MAGI2: variants seen among roughly 807,000 people sequenced by gnomAD.
The protein encoded by MAGI2 is membrane-associated guanylate kinase, WW and PDZ domain-containing protein 2.
A neutral mutation model predicts 133.3 loss-of-function variants in MAGI2; 35 were observed. The ratio of observed to expected loss-of-function variants is 0.26; its 90% CI spans 0.20 to 0.35. MAGI2 has a LOEUF of 0.35. Among genes scored for constraint, MAGI2 ranks in the 10% least tolerant of loss-of-function variants. The pLI, the probability that MAGI2 is intolerant of heterozygous loss-of-function variation, is 1.00. For synonymous variants in MAGI2, 729 were observed against 710.6 expected (o/e 1.03, Z -0.41); for missense variants, 1,636 against 1,863.4 (o/e 0.88, Z 2.25).
intron 6 of MAGI2, among the ~76,000 whole-genome samples, chr7:78,422,701 A>G (rs1798912082): frequency 6.6e-6 from 1 of 152,232 alleles, no homozygotes; most frequent in South Asian, 2.1e-4. Flanking sequence ...GGGAGTAGAA[A>G]TAAGATTAAA....
intron 2 of MAGI2, among the ~76,000 whole-genome samples, chr7:78,779,718 T>C (rs555435234): frequency 6.6e-6 from 1 of 152,354 alleles, no homozygotes; most frequent in South Asian, 2.1e-4. Context: ...TAAACATTTC[T>C]TGAGCTTTCA....
At chr7:79,265,580 G>A (rs1242715790) in intron 1 of MAGI2, among the ~76,000 whole-genome samples, 1 of 151,934 alleles carries the variant, frequency 6.6e-6, no homozygotes, top group Admixed American at 6.6e-5. Flanking sequence ...ATATAAATAT[G>A]CATATGTGTA....
At chr7:78,356,305 A>T (rs1792075535) in intron 7 of MAGI2, among the ~76,000 whole-genome samples, 1 of 152,310 alleles carries the variant, frequency 6.6e-6, no homozygotes, top group Admixed American at 6.5e-5. Flanking sequence ...GTTGTAGGCC[A>T]GGTTCAGTTC....
intron 1 of MAGI2, among the ~76,000 whole-genome samples, chr7:79,055,555 C>CTT (rs529654560): frequency 6.9e-6 from 1 of 144,648 alleles, no homozygotes; most frequent in Non-Finnish European, 1.5e-5. Flanking sequence ...ATAGAACACA[C>CTT]TTTTTTTTTT....
At chr7:79,065,470 C>T (rs541996545) in intron 1 of MAGI2, among the ~76,000 whole-genome samples, 1 of 152,152 alleles carries the variant, frequency 6.6e-6, no homozygotes, top group South Asian at 2.1e-4. Flanking sequence ...TCCAAACAGA[C>T]ATCAAGAACT....
chr7:79,341,777 G>T (rs1238554978), intron 1 of MAGI2, among the ~76,000 whole-genome samples: 1 of 152,168 alleles, frequency 6.6e-6, no homozygotes, highest in African/African-American at 2.4e-5. Context: ...CTAACAGGTT[G>T]AAATCTTCAG....
intron 2 of MAGI2, among the ~76,000 whole-genome samples, chr7:78,750,611 A>G (rs1563452495): frequency 6.6e-6 from 1 of 152,164 alleles, no homozygotes; most frequent in South Asian, 2.1e-4. Context: ...CAGACAATAC[A>G]CATAACAAAA....
intron 2 of MAGI2, chr7:78,939,786 G>C (rs987417505): frequency 2.0e-5 from 3 of 152,148 alleles, no homozygotes; most frequent in African/African-American, 7.2e-5. Flanking sequence ...CATCAGCTCA[G>C]AAAAGCTCCT....
chr7:78,265,346 C>T (rs1793892827), intron 9 of MAGI2, among the ~76,000 whole-genome samples: 1 of 152,090 alleles, frequency 6.6e-6, no homozygotes. Context: ...AAAAAGAAAG[C>T]ACAAAAGACT....
intron 1 of MAGI2, among the ~76,000 whole-genome samples, chr7:79,021,612 C>T (rs1809339373): frequency 1.3e-5 from 2 of 152,192 alleles, no homozygotes. Flanking sequence ...TGTGTTTACT[C>T]AATGCCTATA....
At chr7:78,796,658 A>G (rs1787641582) in intron 2 of MAGI2, among the ~76,000 whole-genome samples, 1 of 152,172 alleles carries the variant, frequency 6.6e-6, no homozygotes, top group Non-Finnish European at 1.5e-5. Flanking sequence ...GGTAATCAGT[A>G]TATCAAAAAG....
At chr7:78,156,826 C>A (rs74690586) in intron 16 of MAGI2, among the ~76,000 whole-genome samples, 4 of 137,784 alleles carry the variant, frequency 2.9e-5, no homozygotes, top group African/African-American at 8.0e-5. Context: ...AAAAAACAAA[C>A]CCAAAAAAAA....
intron 2 of MAGI2, among the ~76,000 whole-genome samples, chr7:78,839,218 TC>T (rs779274932): frequency 6.6e-6 from 1 of 152,032 alleles, no homozygotes; most frequent in Admixed American, 6.6e-5. Context: ...CCATGATTTC[TC>T]TAAACTTCAG....
chr7:78,607,182 A>G (rs986243363), intron 3 of MAGI2, among the ~76,000 whole-genome samples: 2 of 152,146 alleles, frequency 1.3e-5, no homozygotes, highest in Admixed American at 6.6e-5. Flanking sequence ...TTGTGTGACT[A>G]TTGTGAGAGG....
chr7:78,343,129 T>A (rs915894874), intron 9 of MAGI2, among the ~76,000 whole-genome samples: 2 of 152,204 alleles, frequency 1.3e-5, no homozygotes, highest in Non-Finnish European at 2.9e-5. Flanking sequence ...AAGCCAAACC[T>A]TGTTCATTAC....
At chr7:78,393,414 G>A (rs1434936993) in intron 6 of MAGI2, among the ~76,000 whole-genome samples, 1 of 152,196 alleles carries the variant, frequency 6.6e-6, no homozygotes, top group Non-Finnish European at 1.5e-5. Context: ...GCCAGAGACA[G>A]CAGTGTCTTT....
intron 2 of MAGI2, chr7:78,902,580 C>G (rs1797688510): frequency 6.6e-6 from 1 of 152,214 alleles, no homozygotes; most frequent in South Asian, 2.1e-4. Context: ...CTTTTAGAAG[C>G]CGGAGTTCTA....
intron 6 of MAGI2, among the ~76,000 whole-genome samples, chr7:78,420,477 C>T (rs1452085247): frequency 6.6e-6 from 1 of 152,030 alleles, no homozygotes; most frequent in African/African-American, 2.4e-5. Flanking sequence ...CAAAATGAAA[C>T]CTTAAACTAC....
intron 3 of MAGI2, among the ~76,000 whole-genome samples, chr7:78,586,476 T>C (rs1258317276): frequency 6.6e-6 from 1 of 152,126 alleles, no homozygotes; most frequent in African/African-American, 2.4e-5. Flanking sequence ...AGTTTTAACA[T>C]GGGTAAATTC....
Sources: allele counts gnomAD v4.1 joint callset (sites outside exome capture counted in the v4.1 genomes callset), GRCh38; gene constraint gnomAD v4.1.1; transcripts MANE v1.5; gene names NCBI Gene and HGNC (gene_info 2026-07-23, HGNC 2026-07-21).